The following DLG2 variants were observed in gnomAD, a reference collection of about 807,000 sequenced individuals.
DLG2 encodes the protein disks large homolog 2.
A neutral mutation model predicts 132.5 loss-of-function variants in DLG2; 45 were observed. That is an observed-to-expected ratio of 0.34 (90% CI 0.27 to 0.44). The LOEUF (loss-of-function observed/expected upper bound fraction) is 0.44. Among genes scored for constraint, DLG2 ranks in the 20% least tolerant of loss-of-function variants. DLG2 has a pLI of 1.00. For missense variants in DLG2, 1,045 were observed against 1,196.9 expected (o/e 0.87, Z 1.87); for synonymous variants, 424 against 419.6 (o/e 1.01, Z -0.13).
At chr11:84,923,498 A>C (rs1200257468) in intron 6 of DLG2, 6 of 1,032,306 alleles carry the variant, frequency 5.8e-6, no homozygotes, top group African/African-American at 1.7e-5. Context: ...TGAAGAATTG[A>C]AATTTAACCA....
intron 18 of DLG2, among the ~76,000 whole-genome samples, chr11:83,675,666 T>G (rs1294412179): frequency 6.6e-6 from 1 of 152,230 alleles, no homozygotes; most frequent in Admixed American, 6.5e-5. Flanking sequence ...CAACAAATTT[T>G]TGTGAGACTG....
At chr11:85,519,751 C>T (rs1164260183) in intron 3 of DLG2, among the ~76,000 whole-genome samples, 4 of 152,170 alleles carry the variant, frequency 2.6e-5, no homozygotes, top group East Asian at 1.9e-4. Flanking sequence ...TGAATTCCCA[C>T]GTGTTGTGGA....
intron 6 of DLG2, among the ~76,000 whole-genome samples, chr11:84,750,996 T>TTA (rs2066038292): frequency 6.6e-6 from 1 of 152,162 alleles, no homozygotes; most frequent in African/African-American, 2.4e-5. Flanking sequence ...ATTTACCTGT[T>TTA]ATTGGCAATG....
intron 7 of DLG2, among the ~76,000 whole-genome samples, chr11:84,365,467 T>C (rs1282315778): frequency 6.6e-6 from 1 of 152,186 alleles, no homozygotes; most frequent in Non-Finnish European, 1.5e-5. Flanking sequence ...AACCAGCTCC[T>C]GGATTCATTA....
intron 3 of DLG2, among the ~76,000 whole-genome samples, chr11:85,573,479 C>T (rs550190386): frequency 6.6e-6 from 1 of 152,208 alleles, no homozygotes; most frequent in East Asian, 1.9e-4. Context: ...GTGTAAGGCA[C>T]TGTGATAAGT....
At chr11:83,831,425 G>C (rs948076526) in intron 17 of DLG2, among the ~76,000 whole-genome samples, 1 of 152,102 alleles carries the variant, frequency 6.6e-6, no homozygotes, top group African/African-American at 2.4e-5. Flanking sequence ...GAGGACCACA[G>C]TGACACATAC....
At chr11:84,447,048 T>C (rs1480061623) in intron 7 of DLG2, among the ~76,000 whole-genome samples, 3 of 152,210 alleles carry the variant, frequency 2.0e-5, no homozygotes, top group African/African-American at 7.2e-5. Context: ...GTATAAGATT[T>C]ATTGTTAAGT....
At chr11:83,623,044 C>A (rs763915540) in intron 19 of DLG2, among the ~76,000 whole-genome samples, 1 of 152,142 alleles carries the variant, frequency 6.6e-6, no homozygotes, top group Non-Finnish European at 1.5e-5. Flanking sequence ...ACTATTATTG[C>A]GTGACTAAGT....
chr11:84,313,546 AAGG>A (rs2098315498), intron 7 of DLG2, among the ~76,000 whole-genome samples: 1 of 44,158 alleles, frequency 2.3e-5, no homozygotes, highest in Non-Finnish European at 4.7e-5. Flanking sequence ...GGAAGGAAGG[AAGG>A]GAGGGAGGGA....
Position 84,021,942 on chromosome 11 carries a change from T to C in DLG2, c.919+37373A>G, listed in dbSNP as rs559726696. Among the ~76,000 whole-genome samples the C allele has an allele frequency of 1.6e-4, 25 of 152,114 alleles. No individual in the cohort carries two copies. The South Asian group carries it at 5.2e-3, about 32-fold the overall frequency. The stretch of plus-strand genomic sequence containing the variant: ...CTGTATTTTTAGTAGAGACGGGGTT[T>C]CTCCATGTTGGTCAGGCTGGTCTTA... On this transcript the variant is annotated intron_variant, in intron 11 of 27. Transcript: ENST00000376104.
intron 6 of DLG2, among the ~76,000 whole-genome samples, chr11:85,039,764 C>T (rs912900102): frequency 1.3e-5 from 2 of 151,834 alleles, no homozygotes; most frequent in African/African-American, 4.8e-5. Context: ...TTTATTGATA[C>T]ACTATAAGCC....
chr11:84,823,422 A>C (rs369362607), intron 6 of DLG2, among the ~76,000 whole-genome samples: 1 of 151,684 alleles, frequency 6.6e-6, no homozygotes, highest in African/African-American at 2.4e-5. Flanking sequence ...GAAAATGCCA[A>C]ACATACTCCA....
chr11:84,843,669 C>T (rs2080999210), intron 6 of DLG2, among the ~76,000 whole-genome samples: 1 of 151,822 alleles, frequency 6.6e-6, no homozygotes, highest in South Asian at 2.1e-4. Context: ...TAAATCATCT[C>T]TAGGTTACTT....
chr11:84,490,886 C>CGTGTGTGTGTGT lies in DLG2; in HGVS notation c.519+43672_519+43683dup, dbSNP rs113318666. ...CCATTCTAACAGATCTGAATGGTTG[C>CGTGTGTGTGTGT]GTGTGTGTGTGTGTGTGTGTGTGCA... is the stretch of plus-strand genomic sequence containing the variant. On this transcript the variant is annotated intron_variant, in intron 7 of 27. Coordinates refer to ENST00000376104, the MANE Select transcript of DLG2 (RefSeq NM_001142699.3). Among the ~76,000 whole-genome samples, 549 of 147,944 alleles carry CGTGTGTGTGTGT rather than the reference C, an allele frequency of 3.7e-3. 9 individuals are homozygous for CGTGTGTGTGTGT. The highest frequency in any genetic ancestry group is 0.012 in the African/African-American group (503 of 40,578).
intron 22 of DLG2, chr11:83,480,441 AG>A: frequency 6.5e-7 from 1 of 1,533,812 alleles, no homozygotes. Context: ...CAAATTAAAG[AG>A]ATACCAAGCA....
chr11:84,835,844 A>C (rs1046269061), intron 6 of DLG2, among the ~76,000 whole-genome samples: 1 of 151,834 alleles, frequency 6.6e-6, no homozygotes, highest in Non-Finnish European at 1.5e-5. Context: ...CATGGTAAAC[A>C]GTGATCTAAA....
intron 11 of DLG2, among the ~76,000 whole-genome samples, chr11:84,058,659 C>T (rs1296585196): frequency 6.6e-6 from 1 of 151,410 alleles, no homozygotes; most frequent in East Asian, 1.9e-4. Flanking sequence ...TGCACTCTAG[C>T]CTGGGCAACA....
chr11:85,497,997 G>C (rs571110354), intron 3 of DLG2, among the ~76,000 whole-genome samples: 1 of 152,096 alleles, frequency 6.6e-6, no homozygotes, highest in Admixed American at 6.6e-5. Flanking sequence ...AAAGACCATC[G>C]ATGCTATGAA....
intron 6 of DLG2, among the ~76,000 whole-genome samples, chr11:84,987,885 A>G (rs1253410950): frequency 6.6e-6 from 1 of 152,248 alleles, no homozygotes; most frequent in Non-Finnish European, 1.5e-5. Flanking sequence ...CAAGAACCCA[A>G]AAGCAAATGC....
Sources: allele counts gnomAD v4.1 joint callset (sites outside exome capture counted in the v4.1 genomes callset), GRCh38; gene constraint gnomAD v4.1.1; transcripts MANE v1.5; gene names NCBI Gene and HGNC (gene_info 2026-07-23, HGNC 2026-07-21).